SACM1L: variants seen among roughly 807,000 people sequenced by gnomAD.
SACM1L encodes the protein SAC1 like phosphatidylinositide phosphatase.
SACM1L carries 32 observed loss-of-function variants against 89.5 expected under a neutral mutation model. That is an observed-to-expected ratio of 0.36 (90% confidence interval 0.27 to 0.48). The LOEUF (loss-of-function observed/expected upper bound fraction) is 0.48, where lower values mean the gene tolerates loss of function less well. SACM1L is among the 20% of genes least tolerant of loss of function. The pLI is 0.99. For synonymous variants in SACM1L, 213 were observed against 232.8 expected (o/e 0.92, Z 0.77); for missense variants, 543 against 708.5 (o/e 0.77, Z 2.65).
Position 45,735,302 on chromosome 3 carries a change from A to G in SACM1L, c.1168A>G (p.Met390Val), listed in dbSNP as rs756834430. The G allele has an allele frequency of 1.2e-6, 2 of 1,613,108 alleles. No homozygotes were observed. The highest frequency in any genetic ancestry group is 1.7e-5 in the Admixed American group (1 of 59,660). ...GGAAGGCGTGTTCCGAAGCAATTGCATGGATTGTCTAGATAGAACCAATGT... is the reference window on the plus strand; with the variant it reads ...GGAAGGCGTGTTCCGAAGCAATTGCGTGGATTGTCTAGATAGAACCAATGT... ...NQEGVFRSNC[M>V]DCLDRTNVIQ... The change falls in exon 14 of 20, where the codon ATG becomes GTG. Residue 390 changes from methionine (M) to valine (V), a missense_variant. Physicochemically the swap from Met to Val is conservative, Grantham distance 21. Around this residue, in one of 2 missense-constraint regions of SACM1L, gnomAD observed 370 missense variants for 527.6 expected, o/e 0.70. Coordinates refer to ENST00000389061, the MANE Select transcript of SACM1L (RefSeq NM_014016.5).
intron 11 of SACM1L, among the ~76,000 whole-genome samples, chr3:45,730,393 C>T (rs1327077522): frequency 6.7e-6 from 1 of 149,112 alleles, no homozygotes; most frequent in Non-Finnish European, 1.5e-5. Flanking sequence ...TTTGCCAAAA[C>T]TTTCTTATTG....
intron 13 of SACM1L, 99 bp downstream of exon 13, chr3:45,732,250 C>G: frequency 1.7e-6 from 1 of 575,496 alleles, no homozygotes; most frequent in Non-Finnish European, 3.0e-6. Context: ...GTACAGTTCA[C>G]TGGATTGTCA....
chr3:45,695,541 A>G (rs1260872022), intron 1 of SACM1L, among the ~76,000 whole-genome samples: 1 of 152,146 alleles, frequency 6.6e-6, no homozygotes, highest in Admixed American at 6.5e-5. Context: ...GATTACAGGC[A>G]TGAGCCACTG....
intron 1 of SACM1L, among the ~76,000 whole-genome samples, chr3:45,697,509 T>C (rs1009243990): frequency 1.1e-4 from 16 of 152,118 alleles, no homozygotes; most frequent in African/African-American, 3.9e-4. Context: ...ACTCCTGGGC[T>C]CAAGCAGTCC....
chr3:45,742,677 T>C (rs1699341290), intron 19 of SACM1L: 2 of 152,290 alleles, frequency 1.3e-5, no homozygotes, highest in African/African-American at 4.8e-5. Flanking sequence ...GGTTATTGGC[T>C]GGGTGCTGTG....
intron 8 of SACM1L, 51 bp downstream of exon 8, chr3:45,719,652 C>G: frequency 9.5e-7 from 1 of 1,053,848 alleles, no homozygotes; most frequent in Non-Finnish European, 1.4e-6. Flanking sequence ...TTTTGTCTTA[C>G]GGTGACACGA....
chr3:45,733,965 T>C (rs1327946459), intron 13 of SACM1L, among the ~76,000 whole-genome samples: 1 of 152,214 alleles, frequency 6.6e-6, no homozygotes, highest in Non-Finnish European at 1.5e-5. Flanking sequence ...AAGGAGCTTG[T>C]TAAAGAAAAC....
chr3:45,719,651 A>G lies in SACM1L; in HGVS notation c.679+50A>G. The G allele has an allele frequency of 2.8e-6, 3 of 1,057,722 alleles. No homozygotes were observed. In the South Asian group the frequency reaches 4.3e-5, roughly 15 times the overall value. The allele number at this position is 1,057,722 out of a possible 1,614,324, so 65.5% of individuals were successfully genotyped here. On this transcript the variant is annotated intron_variant, in intron 8 of 19. Coordinates refer to ENST00000389061, the MANE Select transcript of SACM1L (RefSeq NM_014016.5). ...ATATCTGTAATTAATATTTTGTCTT[A>G]CGGTGACACGAATGTAACCTTTTGT...
At chr3:45,724,088 G>C (rs553067468) in intron 11 of SACM1L, among the ~76,000 whole-genome samples, 1 of 152,050 alleles carries the variant, frequency 6.6e-6, no homozygotes, top group African/African-American at 2.4e-5. Flanking sequence ...GAACATTGGT[G>C]GTGTGCAAGT....
rs543750123 is a variant in SACM1L at position 45,716,127 on chromosome 3, G to C, written c.577+2048G>C. Among the ~76,000 whole-genome samples, 146 of 152,250 alleles carry C rather than the reference G, an allele frequency of 9.6e-4. 1 individual carries two copies. Among genetic ancestry groups the C allele is most frequent in the Non-Finnish European group, 1.0e-3 (68 of 67,998 alleles). The stretch of plus-strand genomic sequence containing the variant: ...GAGCTGTGTTCAGAGAATTAGCTCA[G>C]CCCAGATGACTCAGGGCCTTATAAG... On this transcript the variant is annotated intron_variant, in intron 7 of 19. Transcript: ENST00000389061.
intron 14 of SACM1L, 65 bp downstream of exon 14, chr3:45,735,438 C>T: frequency 2.1e-6 from 3 of 1,445,020 alleles, no homozygotes; most frequent in Non-Finnish European, 2.8e-6. Flanking sequence ...ATCTTTAAAA[C>T]CCAGTAACAA....
intron 7 of SACM1L, among the ~76,000 whole-genome samples, chr3:45,719,000 G>A (rs1698728162): frequency 1.3e-5 from 2 of 152,058 alleles, no homozygotes; most frequent in Admixed American, 1.3e-4. Flanking sequence ...GATAACCTTT[G>A]TTTAATTCAC....
At chr3:45,714,133 A>G in intron 7 of SACM1L, 54 bp downstream of exon 7, 2 of 1,135,546 alleles carry the variant, frequency 1.8e-6, no homozygotes, top group Non-Finnish European at 2.5e-6. Flanking sequence ...TTTAAATTTT[A>G]TTATAAGGCA....
chr3:45,705,794 A>G (rs1698379322), intron 3 of SACM1L, among the ~76,000 whole-genome samples: 1 of 152,118 alleles, frequency 6.6e-6, no homozygotes, highest in Non-Finnish European at 1.5e-5. Flanking sequence ...ATGAGCCACC[A>G]CGCCCATCCT....
intron 9 of SACM1L, 119 bp downstream of exon 9, chr3:45,722,204 C>T (rs1391383811): frequency 6.5e-5 from 42 of 644,656 alleles, no homozygotes; most frequent in Non-Finnish European, 1.0e-4. Context: ...ATATTTTTAT[C>T]TATGGTGCAG....
intron 1 of SACM1L, among the ~76,000 whole-genome samples, chr3:45,697,198 C>T (rs191170123): frequency 2.0e-4 from 30 of 150,354 alleles, no homozygotes; most frequent in African/African-American, 6.1e-4. Context: ...GATGAGATCT[C>T]GCTGTGTTGA....
At chr3:45,702,012 G>T (rs1238976150) in intron 1 of SACM1L, among the ~76,000 whole-genome samples, 1 of 152,172 alleles carries the variant, frequency 6.6e-6, no homozygotes, top group Non-Finnish European at 1.5e-5. Flanking sequence ...TAATAAAAAG[G>T]AATGAATTGT....
At chr3:45,718,671 A>G (rs1335501582) in intron 7 of SACM1L, among the ~76,000 whole-genome samples, 1 of 152,212 alleles carries the variant, frequency 6.6e-6, no homozygotes, top group Non-Finnish European at 1.5e-5. Flanking sequence ...TAACTATTGT[A>G]AATAGTTACA....
intron 8 of SACM1L, among the ~76,000 whole-genome samples, chr3:45,721,250 G>T (rs928053042): frequency 6.6e-6 from 1 of 152,200 alleles, no homozygotes; most frequent in Non-Finnish European, 1.5e-5. Context: ...CACCGGGTGC[G>T]GTGGCTCACG....
Sources: allele counts gnomAD v4.1 joint callset (sites outside exome capture counted in the v4.1 genomes callset), GRCh38; gene constraint gnomAD v4.1.1; regional missense constraint gnomAD v4.1.1; transcripts MANE v1.5; gene names NCBI Gene and HGNC (gene_info 2026-07-23, HGNC 2026-07-21).